HS3ST1: variants seen among roughly 807,000 people sequenced by gnomAD.
The protein encoded by HS3ST1 is heparan sulfate glucosamine 3-O-sulfotransferase 1.
A neutral mutation model predicts 20.7 loss-of-function variants in HS3ST1; 8 were observed. That is an observed-to-expected ratio of 0.39 (90% CI 0.23 to 0.70). The LOEUF is 0.70. HS3ST1 is among the 30% of genes least tolerant of loss of function. The pLI is 0.46. For missense variants in HS3ST1, 436 were observed against 423.4 expected, an observed-to-expected ratio of 1.03 and a Z score of -0.26; for synonymous variants, 205 against 190.4, an observed-to-expected ratio of 1.08 and a Z score of -0.63.
At chr4:11,410,350 G>A (rs1047726869) in intron 1 of HS3ST1, among the ~76,000 whole-genome samples, 3 of 152,178 alleles carry the variant, frequency 2.0e-5, no homozygotes, top group East Asian at 1.9e-4. Context: ...GGAGGGCCTC[G>A]AAGGACCTCA....
chr4:11,405,336 C>A (rs1718436227), intron 1 of HS3ST1, among the ~76,000 whole-genome samples: 1 of 152,160 alleles, frequency 6.6e-6, no homozygotes, highest in African/African-American at 2.4e-5. Flanking sequence ...CAGTAAGCTT[C>A]CTCGAGTCCC....
intron 1 of HS3ST1, among the ~76,000 whole-genome samples, chr4:11,426,265 A>G (rs1239547905): frequency 1.3e-5 from 2 of 151,916 alleles, no homozygotes; most frequent in East Asian, 3.9e-4. Context: ...GAGTGAAGCA[A>G]TTTACACCAC....
intron 1 of HS3ST1, among the ~76,000 whole-genome samples, chr4:11,421,124 A>G (rs1003597478): frequency 9.2e-5 from 14 of 152,358 alleles, no homozygotes; most frequent in Middle Eastern, 3.4e-3. Context: ...ACACAAGGAA[A>G]AACACATTGA....
At chr4:11,423,115 ATCACTGTAGT>A (rs1718980111) in intron 1 of HS3ST1, among the ~76,000 whole-genome samples, 1 of 151,260 alleles carries the variant, frequency 6.6e-6, no homozygotes, top group Non-Finnish European at 1.5e-5. Flanking sequence ...ACAGTCCTCA[ATCACTGTAGT>A]TGCCTAATCA....
At chr4:11,409,774 C>G (rs926409673) in intron 1 of HS3ST1, among the ~76,000 whole-genome samples, 5 of 152,174 alleles carry the variant, frequency 3.3e-5, no homozygotes, top group Non-Finnish European at 7.3e-5. Flanking sequence ...TGTGTATTTC[C>G]AGGGGCAGCA....
intron 1 of HS3ST1, among the ~76,000 whole-genome samples, chr4:11,403,236 T>G (rs943910969): frequency 2.0e-5 from 3 of 152,224 alleles, no homozygotes; most frequent in Non-Finnish European, 4.4e-5. Flanking sequence ...TAGCTAAATA[T>G]AGTATAACCT....
intron 1 of HS3ST1, among the ~76,000 whole-genome samples, chr4:11,400,924 T>C (rs1489830079): frequency 2.0e-5 from 3 of 152,182 alleles, no homozygotes; most frequent in African/African-American, 7.2e-5. Flanking sequence ...GGCTAGCCCA[T>C]GGTCCCAGAG....
intron 1 of HS3ST1, among the ~76,000 whole-genome samples, chr4:11,427,016 A>C (rs1372431808): frequency 6.6e-6 from 1 of 152,226 alleles, no homozygotes; most frequent in Non-Finnish European, 1.5e-5. Flanking sequence ...GGAATGCAGA[A>C]AGCAAGAAAA....
intron 1 of HS3ST1, among the ~76,000 whole-genome samples, chr4:11,425,892 A>G (rs576864446): frequency 2.0e-5 from 3 of 152,294 alleles, no homozygotes; most frequent in African/African-American, 4.8e-5. Flanking sequence ...CCATAAGAAA[A>G]GAGCAGCCTC....
In HS3ST1 at chr4:11,394,992, C is replaced by T. The variant is rs1014615502; in HGVS notation, c.*4090G>A. 2 of 152,252 alleles carry T rather than the reference C, an allele frequency of 1.3e-5. No homozygotes were observed. The highest frequency in any genetic ancestry group is 2.9e-5 in the Non-Finnish European group (2 of 68,058). 9.4% of individuals were successfully genotyped at this position (152,252 alleles called of 1,614,324 possible). On this transcript the variant is annotated 3_prime_UTR_variant, in exon 2 of 2. Transcript: ENST00000002596. The stretch of plus-strand genomic sequence containing the variant: ...GCCTGCTAAGTAAGCTTCCAACACT[C>T]CAGCCTTGGAAAGCAGTAGCTTCTC...
In HS3ST1 at chr4:11,396,037, G is replaced by A. The variant is rs560769234; in HGVS notation, c.*3045C>T. On this transcript the variant is annotated 3_prime_UTR_variant, in exon 2 of 2. Coordinates refer to ENST00000002596, the MANE Select transcript of HS3ST1 (RefSeq NM_005114.4). ...TCAATACCATGTTGAGCATGTGGTA[G>A]GGGATCAAAAAAGTAAAATTTTAAT... is the stretch of plus-strand genomic sequence containing the variant. 3 of 148,964 alleles carry A rather than the reference G, an allele frequency of 2.0e-5. No individual in the cohort carries two copies. In the South Asian group the frequency reaches 6.5e-4, roughly 33 times the overall value. The allele number at this position is 148,964 out of a possible 1,614,324, so 9.2% of individuals were successfully genotyped here. A position where few individuals can be genotyped will look rare whatever the true frequency, so the allele number is the denominator to read the frequency against.
At chr4:11,401,348 ATT>A (rs57710102) in intron 1 of HS3ST1, among the ~76,000 whole-genome samples, 3 of 141,836 alleles carry the variant, frequency 2.1e-5, no homozygotes, top group Non-Finnish European at 3.1e-5. Flanking sequence ...TGTCACCGCC[ATT>A]TTTTTTTTTT....
At chr4:11,424,851 C>T (rs1391088971) in intron 1 of HS3ST1, among the ~76,000 whole-genome samples, 3 of 81,124 alleles carry the variant, frequency 3.7e-5, no homozygotes, top group African/African-American at 4.8e-5. Context: ...GAAAGAGGCC[C>T]ATCTCCCACA....
chr4:11,424,506 T>C (rs1010032911), intron 1 of HS3ST1, among the ~76,000 whole-genome samples: 5 of 152,058 alleles, frequency 3.3e-5, no homozygotes, highest in Non-Finnish European at 4.4e-5. Context: ...TGGGTTGCAA[T>C]TCTGGCTAAG....
rs191923545 is a variant in HS3ST1, at chr4:11,425,985, A to G, written c.-109+2714T>C. Among the ~76,000 whole-genome samples, 136 of 152,290 alleles carry G rather than the reference A, an allele frequency of 8.9e-4. 2 individuals carry two copies. Among genetic ancestry groups the G allele is most frequent in the African/African-American group, 3.2e-3 (131 of 41,552 alleles). On this transcript the variant is annotated intron_variant, in intron 1 of 1. Transcript: ENST00000002596. ...TGATATTTTCCAGCACTAGCTGGAAAGTTACTGCATTTCCCTGGAAGCTGC... is the reference window on the plus strand; with the variant it reads ...TGATATTTTCCAGCACTAGCTGGAAGGTTACTGCATTTCCCTGGAAGCTGC...
In HS3ST1 at chr4:11,400,014, C is replaced by T. The variant is rs1383317078; in HGVS notation, c.-9G>A. ...AGGAGCAGCGCGGCCATGCTGGACA[C>T]CACGGTGGCTTCACTGGGCCGCGCG... On this transcript the variant is annotated 5_prime_UTR_variant, in exon 2 of 2. The change creates a new upstream start codon in the 5' untranslated region. Transcript: ENST00000002596. The T allele has an allele frequency of 1.3e-6, 2 of 1,491,192 alleles. No homozygotes were observed. The highest frequency in any genetic ancestry group is 2.8e-5 in the African/African-American group (2 of 71,938). The allele number at this position is 1,491,192 out of a possible 1,614,324, so 92.4% of individuals were successfully genotyped here.
In HS3ST1 at chr4:11,399,234, G is replaced by T. The variant is rs149248520; in HGVS notation, c.772C>A (p.Arg258=). The T allele has an allele frequency of 1.2e-6, 2 of 1,614,154 alleles. No individual in the cohort carries two copies. The highest frequency in any genetic ancestry group is 1.7e-6 in the Non-Finnish European group (2 of 1,180,034). The change falls in exon 2 of 2, where the codon CGG becomes AGG. Residue 258 remains arginine, a synonymous_variant. Coordinates refer to ENST00000002596, the MANE Select transcript of HS3ST1 (RefSeq NM_005114.4). The surrounding 1 kb of genome is among the most constrained non-coding windows in gnomAD (Gnocchi z 5.1). ...AAGCAGCGGTCCCGGCCGCTGTCCC[G>T]CAGGCAGTAAAAGCCCTTGGTTTTG... The part of the protein sequence containing the change: ...FNKTKGFYCL[R]DSGRDRCLHE...
chr4:11,431,633 G>T (rs902852027), upstream of HS3ST1, among the ~76,000 whole-genome samples: 2 of 152,124 alleles, frequency 1.3e-5, no homozygotes, highest in African/African-American at 4.8e-5. Context: ...TTACAGACAC[G>T]CACAGACATG....
Position 11,399,856 on chromosome 4 carries a change from A to C in HS3ST1, c.150T>G (p.Ser50=), listed in dbSNP as rs760462301. The change falls in exon 2 of 2, where the codon TCT becomes TCG. Residue 50 remains serine, a synonymous_variant. Transcript: ENST00000002596. The surrounding 1 kb of genome is among the most constrained non-coding windows in gnomAD (Gnocchi z 5.1). ...TGATGGTCTGCGGCAACTGCTGGGC[A>C]GAGCCGTTTGGGGCCACGCCATCGC... is the stretch of plus-strand genomic sequence containing the variant. ...DVRDGVAPNG[S]AQQLPQTIII... 112 of 1,612,822 alleles carry C rather than the reference A, an allele frequency of 6.9e-5. 1 individual carries two copies. The East Asian group carries it at 2.5e-3, about 36-fold the overall frequency.
Sources: gnomAD v4.1 joint callset for allele counts (sites outside exome capture counted in the v4.1 genomes callset) on GRCh38, gnomAD v4.1.1 for gene constraint, Gnocchi (gnomAD v3.1) non-coding constraint, MANE v1.5 for transcripts, NCBI Gene and HGNC (gene_info 2026-07-23, HGNC 2026-07-21) for gene names.